PLA2R1: variants seen among roughly 807,000 people sequenced by gnomAD.
The protein encoded by PLA2R1 is secretory phospholipase A2 receptor.
Under a neutral mutation model 195.9 loss-of-function variants are expected in PLA2R1, and 158 were observed. The ratio of observed to expected loss-of-function variants is 0.81; its 90% CI spans 0.71 to 0.92. The LOEUF is 0.92. Ranked by LOEUF, PLA2R1 falls within the 40% of genes least tolerant of loss-of-function variation. PLA2R1 has a pLI of 0.00. For missense variants in PLA2R1, 1,626 were observed against 1,764.6 expected (o/e 0.92, Z 1.41); for synonymous variants, 586 against 598.2 (o/e 0.98, Z 0.30).
At chr2:160,032,890 T>C (rs1011491076) in intron 4 of PLA2R1, 69 bp downstream of exon 4, 7 of 1,100,592 alleles carry the variant, frequency 6.4e-6, no homozygotes, top group South Asian at 1.5e-5. Context: ...TATATTTTTG[T>C]ATATGTGAAA....
intron 6 of PLA2R1, among the ~76,000 whole-genome samples, chr2:160,024,337 C>T (rs1431951855): frequency 2.6e-5 from 4 of 152,160 alleles, no homozygotes; most frequent in East Asian, 1.9e-4. Flanking sequence ...CAAGTTGCCA[C>T]GAGCTGCTCC....
At chr2:159,997,994 A>G (rs998002474) in intron 11 of PLA2R1, among the ~76,000 whole-genome samples, 1 of 152,094 alleles carries the variant, frequency 6.6e-6, no homozygotes, top group Non-Finnish European at 1.5e-5. Context: ...TCTTTTTCTA[A>G]TATCAGGAGG....
chr2:159,964,619 A>G (rs185102849), intron 20 of PLA2R1, among the ~76,000 whole-genome samples: 6 of 152,320 alleles, frequency 3.9e-5, no homozygotes, highest in African/African-American at 1.2e-4. Context: ...GTAAAGTTTT[A>G]GAGTAAATTA....
At chr2:159,931,703 CT>C (rs1229661717), downstream of PLA2R1, among the ~76,000 whole-genome samples, 1 of 152,060 alleles carries the variant, frequency 6.6e-6, no homozygotes, top group Admixed American at 6.5e-5. Flanking sequence ...ACTCTACTAA[CT>C]TTTTTGTATT....
chr2:160,058,694 C>T (rs17241792), intron 1 of PLA2R1, among the ~76,000 whole-genome samples: 46,037 of 152,004 alleles, frequency 0.3, 8,767 homozygotes, highest in Non-Finnish European at 0.42. Flanking sequence ...TGTCTTAGCA[C>T]TTGCTAGAAG....
chr2:160,015,943 T>C (rs577836067), intron 9 of PLA2R1, among the ~76,000 whole-genome samples: 7 of 152,284 alleles, frequency 4.6e-5, no homozygotes, highest in Admixed American at 1.3e-4. Flanking sequence ...AGGAACACAA[T>C]TGTTTTATGA....
At chr2:159,979,464 G>T (rs953500206) in intron 14 of PLA2R1, among the ~76,000 whole-genome samples, 4 of 152,100 alleles carry the variant, frequency 2.6e-5, no homozygotes, top group African/African-American at 9.7e-5. Context: ...CATGGACAAG[G>T]TTCCCATACT....
intron 20 of PLA2R1, among the ~76,000 whole-genome samples, chr2:159,967,214 T>C (rs112089618): frequency 1.6e-4 from 25 of 152,104 alleles, no homozygotes; most frequent in African/African-American, 5.8e-4. Flanking sequence ...CACACATGCA[T>C]ATGCACACAC....
chr2:160,028,150 A>T, intron 6 of PLA2R1, 68 bp downstream of exon 6: 2 of 1,044,334 alleles, frequency 1.9e-6, no homozygotes, highest in Non-Finnish European at 2.8e-6. Context: ...CAAAAAATAG[A>T]GAAATTTACA....
chr2:159,989,791 T>C (rs552791203), intron 11 of PLA2R1, among the ~76,000 whole-genome samples: 2 of 152,224 alleles, frequency 1.3e-5, no homozygotes, highest in African/African-American at 4.8e-5. Context: ...TCTGCCTGCA[T>C]ATTCAAAGAA....
intron 1 of PLA2R1, among the ~76,000 whole-genome samples, chr2:160,054,914 A>G (rs1695439597): frequency 6.6e-6 from 1 of 152,246 alleles, no homozygotes; most frequent in African/African-American, 2.4e-5. Flanking sequence ...TTACTTTGAT[A>G]GATTACATGA....
intron 1 of PLA2R1, among the ~76,000 whole-genome samples, chr2:160,052,552 G>C (rs1396601644): frequency 2.0e-5 from 3 of 152,084 alleles, no homozygotes; most frequent in Non-Finnish European, 4.4e-5. Context: ...AAACATTGCT[G>C]GTATAAAAAT....
intron 4 of PLA2R1, 110 bp from the exon 5 acceptor site, chr2:160,029,073 A>G (rs1360140052): frequency 4.4e-6 from 3 of 678,768 alleles, no homozygotes; most frequent in African/African-American, 3.5e-5. Context: ...CAATGACGGG[A>G]AAGGTGCACA....
chr2:160,025,572 C>T (rs547925919), intron 6 of PLA2R1, among the ~76,000 whole-genome samples: 3 of 102,574 alleles, frequency 2.9e-5, no homozygotes, highest in African/African-American at 7.4e-5. Context: ...ATGTAAGCCA[C>T]ATGGTAACCA....
chr2:159,927,956 C>A (rs1686524206), downstream of PLA2R1, among the ~76,000 whole-genome samples: 1 of 152,182 alleles, frequency 6.6e-6, no homozygotes, highest in African/African-American at 2.4e-5. Context: ...GTGCTTAAAA[C>A]AGATTTGTGA....
Position 160,044,961 on chromosome 2 carries a change from G to T in PLA2R1, c.306C>A (p.Ser102Arg). The T allele has an allele frequency of 6.2e-7, 1 of 1,614,074 alleles. No homozygotes were observed. Among genetic ancestry groups the T allele is most frequent in the African/African-American group, 1.3e-5 (1 of 75,020 alleles). ...LNFSAPEQPL[S>R]LYECDSTLVS... ...CGAGGGTGGAGTCACATTCATATAAGCTTAATGGCTGCTCTGGGGCGGAGA... is the reference window on the plus strand; with the variant it reads ...CGAGGGTGGAGTCACATTCATATAATCTTAATGGCTGCTCTGGGGCGGAGA... Residue 102 changes from serine to arginine, a missense_variant, in exon 2 of 30, where the codon AGC (serine) becomes AGA (arginine). Physicochemically the swap from Ser to Arg is moderately radical, Grantham distance 110. Transcript: ENST00000283243.
chr2:159,959,173 A>G (rs923405129), intron 20 of PLA2R1, among the ~76,000 whole-genome samples: 2 of 152,172 alleles, frequency 1.3e-5, no homozygotes, highest in Non-Finnish European at 2.9e-5. Flanking sequence ...AATTCTAAAG[A>G]GTGGCACATA....
intron 20 of PLA2R1, among the ~76,000 whole-genome samples, chr2:159,957,715 G>A (rs1025391769): frequency 6.6e-6 from 1 of 152,152 alleles, no homozygotes; most frequent in Admixed American, 6.5e-5. Context: ...GACAGGCAGG[G>A]TTGAAGATAA....
chr2:160,028,847 T>C lies in PLA2R1; in HGVS notation c.955+3A>G, dbSNP rs762901283. The C allele has an allele frequency of 7.6e-5, 120 of 1,581,024 alleles. No homozygotes were observed. The East Asian group carries it at 2.7e-3, about 35-fold the overall frequency. Reference sequence around the variant, plus strand: ...ACGAAGGCAAAGAAAACACTGCGGGTACCTGGGCTCCAATTCAGATAGTTG... The same window carrying C: ...ACGAAGGCAAAGAAAACACTGCGGGCACCTGGGCTCCAATTCAGATAGTTG... On this transcript the variant is annotated splice_donor_region_variant and intron_variant, in intron 5 of 29. Transcript: ENST00000283243.
Sources: allele counts gnomAD v4.1 joint callset (sites outside exome capture counted in the v4.1 genomes callset), GRCh38; gene constraint gnomAD v4.1.1; transcripts MANE v1.5; gene names NCBI Gene and HGNC (gene_info 2026-07-23, HGNC 2026-07-21).